ILRUN: variants seen among roughly 807,000 people sequenced by gnomAD.
The protein encoded by ILRUN is inflammation and lipid regulator with UBA-like and NBR1-like domains, also known as protein ILRUN.
A neutral mutation model predicts 33.8 loss-of-function variants in ILRUN; 3 were observed. The observed-to-expected ratio is 0.09, with a 90% CI of 0.04 to 0.23. ILRUN has a LOEUF of 0.23. ILRUN is among the 10% of genes least tolerant of loss of function. The probability of loss-of-function intolerance (pLI) is 1.00; values close to 1 mark genes in which losing one functional copy is unlikely to be tolerated. For missense variants in ILRUN, 210 were observed against 375.1 expected (o/e 0.56, Z 3.64); for synonymous variants, 124 against 138.9 (o/e 0.89, Z 0.75).
intron 1 of ILRUN, among the ~76,000 whole-genome samples, chr6:34,664,491 G>C (rs1762955703): frequency 6.6e-6 from 1 of 152,044 alleles, no homozygotes; most frequent in South Asian, 2.1e-4. Context: ...CTGTTTTTTT[G>C]CTGAGTCATT....
intron 1 of ILRUN, among the ~76,000 whole-genome samples, chr6:34,659,724 C>A (rs1339593298): frequency 3.4e-5 from 5 of 146,970 alleles, no homozygotes; most frequent in African/African-American, 1.0e-4. Context: ...CGGGTTCAAG[C>A]AATTCTCCTA....
chr6:34,665,255 A>T, intron 1 of ILRUN, among the ~76,000 whole-genome samples: 2 of 148,092 alleles, frequency 1.4e-5, no homozygotes, highest in South Asian at 4.4e-4. Context: ...CAGGAGTTCA[A>T]GACCAGCCTG....
chr6:34,630,865 A>C (rs1762231259), intron 3 of ILRUN, among the ~76,000 whole-genome samples: 1 of 152,084 alleles, frequency 6.6e-6, no homozygotes, highest in East Asian at 1.9e-4. Context: ...TGGAATTTCT[A>C]CTGACATATC....
intron 1 of ILRUN, among the ~76,000 whole-genome samples, chr6:34,674,006 A>C (rs1207128376): frequency 1.3e-5 from 2 of 152,060 alleles, no homozygotes; most frequent in African/African-American, 4.8e-5. Context: ...TGAAACAAAC[A>C]ATTACTATGG....
intron 1 of ILRUN, chr6:34,685,791 G>T (rs1763504122): frequency 1.3e-5 from 2 of 151,972 alleles, no homozygotes; most frequent in Admixed American, 6.6e-5. Flanking sequence ...TAAAAGTAAA[G>T]GATATATTTA....
intron 4 of ILRUN, among the ~76,000 whole-genome samples, chr6:34,599,561 AAAG>A: frequency 6.6e-6 from 1 of 152,208 alleles, no homozygotes. Context: ...GTTTAAAAAA[AAAG>A]ACTTAACTGG....
At chr6:34,633,141 G>GT (rs1472052641) in intron 3 of ILRUN, among the ~76,000 whole-genome samples, 2 of 152,116 alleles carry the variant, frequency 1.3e-5, no homozygotes, top group Non-Finnish European at 2.9e-5. Context: ...GGCTATACTA[G>GT]TATCAAAGTA....
chr6:34,626,274 C>T (rs893692292), intron 3 of ILRUN, among the ~76,000 whole-genome samples: 1 of 152,202 alleles, frequency 6.6e-6, no homozygotes. Context: ...TGAGCTCAAA[C>T]AATCTTCCCA....
chr6:34,588,338 T>A lies in ILRUN; in HGVS notation c.*2227A>T. 2.5e-6 allele frequency: 1 copy of A among 397,774 alleles called. No individual in the cohort carries two copies. The highest frequency in any genetic ancestry group is 1.4e-4 in the South Asian group (1 of 7,224). 24.6% of individuals were successfully genotyped at this position (397,774 alleles called of 1,614,324 possible). A position where few individuals can be genotyped will look rare whatever the true frequency, so the allele number is the denominator to read the frequency against. ...GCCCAGACCCACTGACGGTGGCCCATGAAGCCCCTGCTGGGAAACTGGGAA... is the reference window on the plus strand; with the variant it reads ...GCCCAGACCCACTGACGGTGGCCCAAGAAGCCCCTGCTGGGAAACTGGGAA... On this transcript the variant is annotated 3_prime_UTR_variant, in exon 5 of 5. Transcript: ENST00000374023.
chr6:34,662,744 T>C (rs1762915289), intron 1 of ILRUN, among the ~76,000 whole-genome samples: 1 of 152,180 alleles, frequency 6.6e-6, no homozygotes, highest in South Asian at 2.1e-4. Flanking sequence ...CAAAATGACG[T>C]GAATATACTT....
At chr6:34,676,109 T>C (rs185415317) in intron 1 of ILRUN, among the ~76,000 whole-genome samples, 3 of 152,212 alleles carry the variant, frequency 2.0e-5, no homozygotes, top group Admixed American at 6.5e-5. Context: ...AAAATCAAGT[T>C]TGAGAACAGT....
chr6:34,682,319 G>A (rs1212095251), intron 1 of ILRUN, among the ~76,000 whole-genome samples: 3 of 148,048 alleles, frequency 2.0e-5, no homozygotes, highest in African/African-American at 5.0e-5. Context: ...GTGCGGTGGC[G>A]CGATCTCGGC....
rs1017600413 is a variant in ILRUN at position 34,587,910 on chromosome 6, C to T, written c.*2655G>A. On this transcript the variant is annotated 3_prime_UTR_variant, in exon 5 of 5. Coordinates refer to ENST00000374023, the MANE Select transcript of ILRUN (RefSeq NM_024294.4). ...TATCACCTAACCATGGTGTCTGCCT[C>T]ACCTCCTGGGTGCCAGACGCAGGTG... 2 of 397,030 alleles carry T rather than the reference C, an allele frequency of 5.0e-6. No individual in the cohort carries two copies. Among genetic ancestry groups the T allele is most frequent in the African/African-American group, 4.1e-5 (2 of 48,618 alleles). The allele number at this position is 397,030 out of a possible 1,614,324, so 24.6% of individuals were successfully genotyped here.
intron 1 of ILRUN, among the ~76,000 whole-genome samples, chr6:34,678,042 A>T (rs1267889335): frequency 6.6e-6 from 1 of 151,104 alleles, no homozygotes. Context: ...CTAATTTCAC[A>T]TTTTTAATTT....
Position 34,656,844 on chromosome 6 carries a change from A to T in ILRUN, c.159-2065T>A, listed in dbSNP as rs541742665. 7.9e-5 allele frequency among the ~76,000 whole-genome samples: 12 copies of T among 152,332 alleles called. No homozygotes were observed. In the East Asian group the frequency reaches 1.9e-3, roughly 24 times the overall value. ...AGTAATGACTGAAATTACAATACCA[A>T]TGGCCTGCCTATGGTATATGTGCTT... On this transcript the variant is annotated intron_variant, in intron 1 of 4. Coordinates refer to ENST00000374023, the MANE Select transcript of ILRUN (RefSeq NM_024294.4).
chr6:34,650,411 ATTTATTTATTTATT>A (rs1562017806), intron 2 of ILRUN, among the ~76,000 whole-genome samples: 2 of 31,606 alleles, frequency 6.3e-5, no homozygotes, highest in African/African-American at 2.8e-4. Context: ...ATTTATTTTT[ATTTATTTATTTATT>A]TATTTATTTA....
chr6:34,693,587 A>G (rs1763691952), intron 1 of ILRUN, among the ~76,000 whole-genome samples: 1 of 152,180 alleles, frequency 6.6e-6, no homozygotes, highest in South Asian at 2.1e-4. Context: ...TACAGAAATA[A>G]CATGTCATCA....
chr6:34,659,378 C>T (rs1762841787), intron 1 of ILRUN, among the ~76,000 whole-genome samples: 1 of 152,034 alleles, frequency 6.6e-6, no homozygotes, highest in African/African-American at 2.4e-5. Context: ...GTTAATTTGC[C>T]CTAGGCTAGG....
At chr6:34,663,061 A>C (rs985004235) in intron 1 of ILRUN, among the ~76,000 whole-genome samples, 1 of 152,034 alleles carries the variant, frequency 6.6e-6, no homozygotes, top group Non-Finnish European at 1.5e-5. Flanking sequence ...GCCACCCTAC[A>C]CGAGCCTGGA....
Sources: gnomAD v4.1 joint callset for allele counts (sites outside exome capture counted in the v4.1 genomes callset) on GRCh38, gnomAD v4.1.1 for gene constraint, MANE v1.5 for transcripts, NCBI Gene and HGNC (gene_info 2026-07-23, HGNC 2026-07-21) for gene names.